PABPC4L: variants seen among roughly 807,000 people sequenced by gnomAD.
PABPC4L encodes the protein polyadenylate-binding protein 4-like.
For missense variants in PABPC4L, 452 were observed against 451.4 expected (o/e 1.00, Z -0.01); for synonymous variants, 169 against 164.1 (o/e 1.03, Z -0.23).
At chr4:134,085,138 A>G in the PABPC4L span, among the ~76,000 whole-genome samples, 7 of 152,082 alleles carry the variant, frequency 4.6e-5, no homozygotes, top group Non-Finnish European at 8.8e-5. Context: ...GTTGAGCTTC[A>G]TGTGGGACCA....
chr4:134,015,849 T>C, the PABPC4L span, among the ~76,000 whole-genome samples: 8 of 152,078 alleles, frequency 5.3e-5, no homozygotes, highest in South Asian at 2.1e-4. Context: ...TAGAGGCCCT[T>C]AAAATCACAA....
At chr4:134,085,641 T>C in the PABPC4L span, among the ~76,000 whole-genome samples, 1 of 152,194 alleles carries the variant, frequency 6.6e-6, no homozygotes, top group African/African-American at 2.4e-5. Context: ...GTTTTTGCTT[T>C]TGTTTAACTC....
chr4:133,960,750 T>C, the PABPC4L span, among the ~76,000 whole-genome samples: 18 of 152,108 alleles, frequency 1.2e-4, no homozygotes, highest in African/African-American at 3.9e-4. Flanking sequence ...AGACTGGCTC[T>C]TCAGATTGCA....
chr4:133,976,491 G>A, the PABPC4L span, among the ~76,000 whole-genome samples: 1 of 152,026 alleles, frequency 6.6e-6, no homozygotes, highest in Admixed American at 6.6e-5. Context: ...GGGGATTGCT[G>A]GGTCAAATAG....
chr4:134,083,980 T>C, the PABPC4L span, among the ~76,000 whole-genome samples: 1 of 152,336 alleles, frequency 6.6e-6, no homozygotes, highest in South Asian at 2.1e-4. Flanking sequence ...TTCTTATTTT[T>C]ATTTAAATGG....
At chr4:134,099,342 A>G in the PABPC4L span, among the ~76,000 whole-genome samples, 1 of 151,640 alleles carries the variant, frequency 6.6e-6, no homozygotes, top group South Asian at 2.1e-4. Context: ...TCCAAAAATC[A>G]CTAAGTTTTA....
chr4:133,958,387 C>A, the PABPC4L span, among the ~76,000 whole-genome samples: 195 of 152,310 alleles, frequency 1.3e-3, 3 homozygotes, highest in African/African-American at 4.4e-3. Context: ...CCCAACAAGT[C>A]TCTAGGAAGT....
the PABPC4L span, among the ~76,000 whole-genome samples, chr4:133,982,986 C>CAT: frequency 6.6e-6 from 1 of 152,066 alleles, no homozygotes; most frequent in East Asian, 1.9e-4. Context: ...TGATCTCTAA[C>CAT]ATAGTTTTGT....
the PABPC4L span, among the ~76,000 whole-genome samples, chr4:134,007,235 T>C: frequency 6.6e-6 from 1 of 151,846 alleles, no homozygotes; most frequent in Non-Finnish European, 1.5e-5. Context: ...ATTTACTATA[T>C]TTAGACATTC....
chr4:133,983,860 A>C, the PABPC4L span, among the ~76,000 whole-genome samples: 2 of 151,826 alleles, frequency 1.3e-5, no homozygotes, highest in Admixed American at 1.3e-4. Context: ...AAAACAACAT[A>C]TTTACAATTA....
the PABPC4L span, among the ~76,000 whole-genome samples, chr4:133,961,398 A>G: frequency 5.9e-5 from 9 of 152,304 alleles, no homozygotes; most frequent in Non-Finnish European, 1.3e-4. Context: ...CTAGCTGGGA[A>G]GGTGACTGCA....
chr4:134,132,089 A>G, the PABPC4L span, among the ~76,000 whole-genome samples: 1 of 152,064 alleles, frequency 6.6e-6, no homozygotes, highest in Non-Finnish European at 1.5e-5. Context: ...ACTTAAACAT[A>G]AGATCTGAAC....
At chr4:134,023,096 G>A in the PABPC4L span, among the ~76,000 whole-genome samples, 40 of 152,142 alleles carry the variant, frequency 2.6e-4, no homozygotes, top group Non-Finnish European at 5.1e-4. Flanking sequence ...GTTATCAGAA[G>A]CAGCAATAAG....
the PABPC4L span, among the ~76,000 whole-genome samples, chr4:134,169,253 C>A: frequency 1.3e-5 from 2 of 151,970 alleles, no homozygotes; most frequent in African/African-American, 2.4e-5. Context: ...GTCTACATCT[C>A]TTTATGATAA....
At chr4:134,042,687 G>A in the PABPC4L span, among the ~76,000 whole-genome samples, 5 of 152,222 alleles carry the variant, frequency 3.3e-5, no homozygotes, top group African/African-American at 9.6e-5. Context: ...TTTTTCTGCA[G>A]CAGAATAGAA....
the PABPC4L span, among the ~76,000 whole-genome samples, chr4:134,160,864 A>G: frequency 6.6e-6 from 1 of 152,002 alleles, no homozygotes; most frequent in Non-Finnish European, 1.5e-5. Context: ...AGTAAAATCA[A>G]AAAAATATAT....
chr4:133,984,249 G>A, the PABPC4L span, among the ~76,000 whole-genome samples: 4 of 151,730 alleles, frequency 2.6e-5, no homozygotes, highest in African/African-American at 7.2e-5. Flanking sequence ...TCTGTGAAGG[G>A]GTAAGTAGGT....
chr4:133,952,561 C>T, the PABPC4L span, among the ~76,000 whole-genome samples: 2 of 152,086 alleles, frequency 1.3e-5, no homozygotes, highest in African/African-American at 2.4e-5. Flanking sequence ...TTCTCTATTA[C>T]TGGTTGAAGA....
the PABPC4L span, among the ~76,000 whole-genome samples, chr4:134,176,942 G>A: frequency 1.3e-5 from 2 of 152,056 alleles, no homozygotes; most frequent in Non-Finnish European, 2.9e-5. Context: ...TACAAGCCTT[G>A]AGCCCTGCAG....
Sources: gnomAD v4.1 joint callset for allele counts (sites outside exome capture counted in the v4.1 genomes callset) on GRCh38, gnomAD v4.1.1 for gene constraint, MANE v1.5 for transcripts, NCBI Gene and HGNC (gene_info 2026-07-23, HGNC 2026-07-21) for gene names.